Variants in ANK2 observed in about 807,000 individuals in gnomAD.
The protein encoded by ANK2 is ankyrin 2.
Under a neutral mutation model 360.5 loss-of-function variants are expected in ANK2, and 83 were observed. The observed-to-expected ratio is 0.23, with a 90% CI of 0.19 to 0.28. ANK2 has a LOEUF of 0.28. Ranked by LOEUF, ANK2 falls within the 10% of genes least tolerant of loss-of-function variation. ANK2 has a pLI of 1.00. For missense variants in ANK2, 4,201 were observed against 4,795.7 expected, an observed-to-expected ratio of 0.88 and a Z score of 3.66; for synonymous variants, 1,740 against 1,759.5, an observed-to-expected ratio of 0.99 and a Z score of 0.28.
chr4:113,356,037 T>A lies in ANK2; in HGVS notation c.7419T>A (p.Pro2473=), dbSNP rs746118762. 1.9e-6 allele frequency: 3 copies of A among 1,614,014 alleles called. No homozygotes were observed. The African/African-American group carries it at 4.0e-5, about 22-fold the overall frequency. ...GCCGTGACTCTCTGGAAAGCAGCCC[T>A]GTTGAACCAAAGATGAAGGCTGGAA... is the stretch of plus-strand genomic sequence containing the variant. The part of the protein sequence containing the change: ...SPCRDSLESS[P]VEPKMKAGIF... The change falls in exon 38 of 46, where the codon CCT becomes CCA. Residue 2473 remains proline (P), a synonymous_variant. Coordinates refer to ENST00000357077, the MANE Select transcript of ANK2 (RefSeq NM_001148.6).
chr4:113,173,588 A>AG (rs2098078111), intron 1 of ANK2, among the ~76,000 whole-genome samples: 1 of 152,192 alleles, frequency 6.6e-6, no homozygotes, highest in African/African-American at 2.4e-5. Context: ...TAACCAAGCC[A>AG]GGGGGCCGTG....
intron 1 of ANK2, among the ~76,000 whole-genome samples, chr4:112,864,536 C>T (rs2069472056): frequency 6.6e-6 from 1 of 151,940 alleles, no homozygotes; most frequent in African/African-American, 2.4e-5. Flanking sequence ...TCTCGAACTA[C>T]CGACCTCAGG....
chr4:113,240,359 A>C, intron 7 of ANK2, 126 bp from the exon 8 acceptor site: 1 of 729,226 alleles, frequency 1.4e-6, no homozygotes, highest in Non-Finnish European at 2.5e-6. Context: ...TTAAGATCTT[A>C]CTAAAGCATT....
intron 2 of ANK2, among the ~76,000 whole-genome samples, chr4:112,941,026 T>A (rs2094165937): frequency 6.6e-6 from 1 of 152,022 alleles, no homozygotes. Context: ...GAAAACACAC[T>A]GAAAAATTGT....
intron 2 of ANK2, among the ~76,000 whole-genome samples, chr4:112,972,276 A>G (rs1254913668): frequency 2.0e-5 from 3 of 152,106 alleles, no homozygotes; most frequent in African/African-American, 7.2e-5. Flanking sequence ...TGCCACACCT[A>G]TCAACCAATC....
intron 1 of ANK2, among the ~76,000 whole-genome samples, chr4:113,099,343 G>C (rs2092377077): frequency 1.3e-5 from 2 of 151,886 alleles, no homozygotes. Context: ...ACAAAAGTCA[G>C]CTGATTTCCT....
At chr4:113,258,841 C>G (rs2050974179) in intron 13 of ANK2, among the ~76,000 whole-genome samples, 1 of 152,188 alleles carries the variant, frequency 6.6e-6, no homozygotes, top group Non-Finnish European at 1.5e-5. Context: ...TTAACCTTAA[C>G]AAAAGATTAA....
chr4:113,216,107 A>G (rs2099082460), intron 4 of ANK2, among the ~76,000 whole-genome samples: 1 of 152,184 alleles, frequency 6.6e-6, no homozygotes, highest in Non-Finnish European at 1.5e-5. Flanking sequence ...CTTCCACCTT[A>G]CACTAGGAGC....
intron 2 of ANK2, among the ~76,000 whole-genome samples, chr4:113,012,728 T>TCCTGTATTCTACCTGTATAC (rs1301975689): frequency 6.6e-6 from 1 of 152,194 alleles, no homozygotes; most frequent in African/African-American, 2.4e-5. Flanking sequence ...CTGCCATTAT[T>TCCTGTATTCTACCTGTATAC]TACCTGTATT....
At chr4:112,727,493 A>T in the ANK2 span, among the ~76,000 whole-genome samples, 1 of 151,836 alleles carries the variant, frequency 6.6e-6, no homozygotes, top group African/African-American at 2.4e-5. Context: ...ATTTAAAATT[A>T]TTATTAGACT....
At chr4:113,233,204 G>A (rs867960286) in intron 5 of ANK2, among the ~76,000 whole-genome samples, 22 of 123,246 alleles carry the variant, frequency 1.8e-4, no homozygotes, top group Non-Finnish European at 3.4e-4. Flanking sequence ...GCGGGATCTC[G>A]GCTCACTGCA....
At chr4:113,035,008 G>A (rs1216004935) in intron 2 of ANK2, among the ~76,000 whole-genome samples, 1 of 151,684 alleles carries the variant, frequency 6.6e-6, no homozygotes, top group Non-Finnish European at 1.5e-5. Context: ...GAACCTCATC[G>A]TTTTTCTAAC....
Position 113,187,947 on chromosome 4 carries a change from C to T in ANK2, c.187-8421C>T, listed in dbSNP as rs61603628. ...GTTTATTGCATGCCTATTACATCCT[C>T]ATCACTGTGCTACAGTGTATGTGTT... On this transcript the variant is annotated intron_variant, in intron 2 of 45. Coordinates refer to ENST00000357077, the MANE Select transcript of ANK2 (RefSeq NM_001148.6). Among the ~76,000 whole-genome samples the T allele has an allele frequency of 6.3e-3, 953 of 152,310 alleles. 9 individuals are homozygous for T. Among genetic ancestry groups the T allele is most frequent in the African/African-American group, 0.022 (913 of 41,572 alleles).
upstream of ANK2, among the ~76,000 whole-genome samples, chr4:113,048,467 G>T (rs1181128646): frequency 6.8e-6 from 1 of 146,868 alleles, no homozygotes; most frequent in East Asian, 2.0e-4. Context: ...TAGAGGCAGG[G>T]TTTCATCACG....
In ANK2 at chr4:113,357,432, T is replaced by A. The variant is rs759775013; in HGVS notation, c.8814T>A (p.Ser2938=). The change falls in exon 38 of 46, where the codon TCT becomes TCA. Residue 2938 remains serine (S), a synonymous_variant. Coordinates refer to ENST00000357077, the MANE Select transcript of ANK2 (RefSeq NM_001148.6). ...YENVPSQSFF[S]SEESKTQTDA... Reference sequence around the variant, plus strand: ...ATGTCCCTTCCCAATCTTTTTTCTCTAGTGAAGAAAGCAAAACCCAAACAG... The same window carrying A: ...ATGTCCCTTCCCAATCTTTTTTCTCAAGTGAAGAAAGCAAAACCCAAACAG... 5.6e-6 allele frequency: 9 copies of A among 1,614,122 alleles called. No individual in the cohort carries two copies. The East Asian group carries it at 1.8e-4, about 32-fold the overall frequency.
the ANK2 span, among the ~76,000 whole-genome samples, chr4:112,811,555 C>A: frequency 2.0e-5 from 3 of 151,968 alleles, no homozygotes; most frequent in Admixed American, 2.0e-4. Context: ...GTTACGATTT[C>A]CCCCCCTTGA....
chr4:112,928,624 G>A (rs142749933), intron 2 of ANK2, among the ~76,000 whole-genome samples: 1 of 152,058 alleles, frequency 6.6e-6, no homozygotes, highest in African/African-American at 2.4e-5. Context: ...CAAGACGACT[G>A]GTGTCCTTCT....
chr4:112,889,923 T>C (rs1298986765), intron 1 of ANK2, among the ~76,000 whole-genome samples: 2 of 152,208 alleles, frequency 1.3e-5, no homozygotes, highest in Non-Finnish European at 2.9e-5. Context: ...GATGTTTTCT[T>C]TGTTGAGTGC....
intron 2 of ANK2, among the ~76,000 whole-genome samples, chr4:112,970,556 A>T (rs913350581): frequency 1.3e-5 from 2 of 152,198 alleles, no homozygotes; most frequent in East Asian, 3.9e-4. Flanking sequence ...GGGTTTCATC[A>T]TATTGGCCAG....
Sources: gnomAD v4.1 joint callset for allele counts (sites outside exome capture counted in the v4.1 genomes callset) on GRCh38, gnomAD v4.1.1 for gene constraint, MANE v1.5 for transcripts, NCBI Gene and HGNC (gene_info 2026-07-23, HGNC 2026-07-21) for gene names.